Variants in SEC23B observed in about 807,000 individuals in gnomAD.
SEC23B encodes the protein protein transport protein Sec23B.
SEC23B carries 77 observed loss-of-function variants against 104.3 expected under a neutral mutation model. That is an observed-to-expected ratio of 0.74 (90% CI 0.61 to 0.89). The LOEUF is 0.89. Ranked by LOEUF, SEC23B falls within the 40% of genes least tolerant of loss-of-function variation. SEC23B has a pLI of 0.00. For synonymous variants in SEC23B, 338 were observed against 332.5 expected, an observed-to-expected ratio of 1.02 and a Z score of -0.18; for missense variants, 885 against 949.4, an observed-to-expected ratio of 0.93 and a Z score of 0.89.
chr20:18,541,207 A>G (rs909296567), intron 12 of SEC23B, among the ~76,000 whole-genome samples: 1 of 152,210 alleles, frequency 6.6e-6, no homozygotes, highest in Non-Finnish European at 1.5e-5. Context: ...AATTGAAGAG[A>G]GTTGGGACCT....
intron 16 of SEC23B, among the ~76,000 whole-genome samples, chr20:18,550,887 A>G (rs1389659440): frequency 6.6e-6 from 1 of 152,126 alleles, no homozygotes; most frequent in Non-Finnish European, 1.5e-5. Context: ...TTTGGAGCCT[A>G]TTTTTCCTAC....
At chr20:18,523,708 CTT>C (rs79077915) in intron 4 of SEC23B, among the ~76,000 whole-genome samples, 15 of 139,736 alleles carry the variant, frequency 1.1e-4, no homozygotes, top group Non-Finnish European at 1.3e-4. Context: ...CCCTCTTTTT[CTT>C]TTTTTTTTTT....
At chr20:18,522,823 T>C (rs921321737) in intron 4 of SEC23B, among the ~76,000 whole-genome samples, 3 of 152,040 alleles carry the variant, frequency 2.0e-5, no homozygotes, top group Non-Finnish European at 4.4e-5. Flanking sequence ...TTTGAGGGGC[T>C]GAGGCGGGGG....
At chr20:18,542,017 T>C (rs2060291737) in intron 12 of SEC23B, among the ~76,000 whole-genome samples, 1 of 152,240 alleles carries the variant, frequency 6.6e-6, no homozygotes, top group South Asian at 2.1e-4. Flanking sequence ...TTCGTTTTGC[T>C]GCATTTCAAA....
rs1169653739 is a variant in SEC23B, at chr20:18,527,489, T to C, written c.994-7T>C. ...GTTTCCTAAAGATAGCTTTCCTCTC[T>C]TCACAGCACTATGAGATGCTTGCTA... On this transcript the variant is annotated splice_polypyrimidine_tract_variant and splice_region_variant and intron_variant, in intron 8 of 19. Coordinates refer to ENST00000650089, the MANE Select transcript of SEC23B (RefSeq NM_006363.6). The C allele has an allele frequency of 6.5e-7, 1 of 1,538,116 alleles. No individual in the cohort carries two copies. Among genetic ancestry groups the C allele is most frequent in the Non-Finnish European group, 9.0e-7 (1 of 1,110,590 alleles).
intron 4 of SEC23B, among the ~76,000 whole-genome samples, chr20:18,523,077 G>A (rs200487490): frequency 4.7e-5 from 7 of 149,288 alleles, no homozygotes; most frequent in East Asian, 2.0e-4. Context: ...AAAAAAAAAA[G>A]AAAAAAAAAT....
At position 18,559,086 on chromosome 20, in the gene SEC23B, G is replaced by T. The variant is rs529515468; in HGVS notation, c.2215-1565G>T. 1.7e-3 allele frequency among the ~76,000 whole-genome samples: 253 copies of T among 150,336 alleles called. 4 individuals carry two copies. The highest frequency in any genetic ancestry group is 5.4e-3 in the African/African-American group (221 of 41,018). On this transcript the variant is annotated intron_variant, in intron 19 of 19. Transcript: ENST00000650089. ...TGACAGGGAAGGTGGTTGGTGGGGGGGGTGTCGGGGGCACTGGTGGGCTCC... is the reference window on the plus strand; with the variant it reads ...TGACAGGGAAGGTGGTTGGTGGGGGTGGTGTCGGGGGCACTGGTGGGCTCC...
At chr20:18,556,389 A>T (rs1254079638) in intron 19 of SEC23B, among the ~76,000 whole-genome samples, 1 of 152,224 alleles carries the variant, frequency 6.6e-6, no homozygotes, top group South Asian at 2.1e-4. Context: ...ATTCCCCCAC[A>T]GATACTGAGG....
At chr20:18,517,926 C>G (rs2060044824) in intron 4 of SEC23B, among the ~76,000 whole-genome samples, 1 of 152,132 alleles carries the variant, frequency 6.6e-6, no homozygotes, top group South Asian at 2.1e-4. Context: ...AGAGAGTGTC[C>G]AAGGGAGTTC....
intron 17 of SEC23B, among the ~76,000 whole-genome samples, chr20:18,553,954 T>G (rs992159048): frequency 1.3e-5 from 2 of 152,112 alleles, no homozygotes; most frequent in Non-Finnish European, 2.9e-5. Flanking sequence ...CACCGCTCCT[T>G]GGGATGAGTA....
At chr20:18,535,077 C>T (rs989386430) in intron 11 of SEC23B, among the ~76,000 whole-genome samples, 18 of 152,180 alleles carry the variant, frequency 1.2e-4, no homozygotes, top group African/African-American at 3.9e-4. Flanking sequence ...CCTCTCCGCT[C>T]TCCACCTTAG....
At chr20:18,523,066 C>CA (rs1347714970) in intron 4 of SEC23B, among the ~76,000 whole-genome samples, 29 of 81,112 alleles carry the variant, frequency 3.6e-4, no homozygotes, top group South Asian at 9.9e-4. Context: ...GACTCCGTCT[C>CA]AAAAAAAAAA....
intron 11 of SEC23B, among the ~76,000 whole-genome samples, 164 bp from the exon 12 acceptor site, chr20:18,535,489 T>C (rs572970514): frequency 2.4e-4 from 37 of 152,354 alleles, no homozygotes; most frequent in African/African-American, 7.7e-4. Flanking sequence ...TGTTAAGCCT[T>C]CATCTGTTCT....
At chr20:18,513,615 A>G (rs368522979) in intron 3 of SEC23B, among the ~76,000 whole-genome samples, 18 of 152,230 alleles carry the variant, frequency 1.2e-4, no homozygotes, top group African/African-American at 3.1e-4. Context: ...GATACAGCAT[A>G]TAAGTCTAGT....
chr20:18,551,604 C>T (rs1357712460), intron 17 of SEC23B, among the ~76,000 whole-genome samples: 1 of 151,982 alleles, frequency 6.6e-6, no homozygotes, highest in Admixed American at 6.6e-5. Flanking sequence ...GTCCCATCTA[C>T]TTGGGAGGCT....
intron 1 of SEC23B, chr20:18,508,216 A>T (rs2059948631): frequency 6.6e-6 from 1 of 152,228 alleles, no homozygotes; most frequent in Non-Finnish European, 1.5e-5. Context: ...GAAGGACCCA[A>T]GTCCCGTTTT....
intron 7 of SEC23B, among the ~76,000 whole-genome samples, chr20:18,526,157 C>T (rs2060132161): frequency 1.3e-5 from 2 of 152,146 alleles, no homozygotes; most frequent in African/African-American, 2.4e-5. Flanking sequence ...CAATAGGGAG[C>T]ACTCAAACAG....
chr20:18,558,991 G>A (rs1231479613), intron 19 of SEC23B, among the ~76,000 whole-genome samples: 1 of 148,384 alleles, frequency 6.7e-6, no homozygotes, highest in Non-Finnish European at 1.5e-5. Flanking sequence ...TTGGACACTT[G>A]AGTGTTTGTA....
chr20:18,555,337 T>G (rs149440013), intron 19 of SEC23B, among the ~76,000 whole-genome samples, 164 bp downstream of exon 19: 1 of 152,044 alleles, frequency 6.6e-6, no homozygotes, highest in Non-Finnish European at 1.5e-5. Flanking sequence ...TGAATAACAT[T>G]ACTGGGCCGG....
Sources: allele counts gnomAD v4.1 joint callset (sites outside exome capture counted in the v4.1 genomes callset), GRCh38; gene constraint gnomAD v4.1.1; transcripts MANE v1.5; gene names NCBI Gene and HGNC (gene_info 2026-07-23, HGNC 2026-07-21).